Variants in KLHL41 observed in about 807,000 individuals in gnomAD.
KLHL41 encodes kelch like family member 41.
Under a neutral mutation model 49.2 loss-of-function variants are expected in KLHL41, and 31 were observed. The ratio of observed to expected loss-of-function variants is 0.63; its 90% confidence interval spans 0.47 to 0.85. The LOEUF is 0.85. KLHL41 is among the 40% of genes least tolerant of loss of function. The pLI, the probability that KLHL41 is intolerant of heterozygous loss-of-function variation, is 0.00. For missense variants in KLHL41, 663 were observed against 726.7 expected, an observed-to-expected ratio of 0.91 and a Z score of 1.01; for synonymous variants, 218 against 258.5, an observed-to-expected ratio of 0.84 and a Z score of 1.50.
At chr2:169,523,526 G>A (rs1403813395) in intron 5 of KLHL41, among the ~76,000 whole-genome samples, 1 of 152,216 alleles carries the variant, frequency 6.6e-6, no homozygotes, top group East Asian at 1.9e-4. Context: ...CTAATTTGGG[G>A]TAGGATCTGG....
chr2:169,520,254 C>A (rs1684180067), intron 4 of KLHL41, among the ~76,000 whole-genome samples: 3 of 136,774 alleles, frequency 2.2e-5, no homozygotes, highest in Admixed American at 1.5e-4. Flanking sequence ...ACTCCTTGGG[C>A]TCAAGCTATC....
chr2:169,510,918 C>T lies in KLHL41; in HGVS notation c.1110+30C>T, dbSNP rs1307982858. ...GAAGGACTTTTTGTATATGTAGTTG[C>T]TTAAAGGGAAGGCTGTTACTCACCA... On this transcript the variant is annotated intron_variant, in intron 1 of 5. Transcript: ENST00000284669. The surrounding 1 kb of genome is among the most constrained non-coding windows in gnomAD (Gnocchi z 4.2). 1 of 1,579,880 alleles carries T rather than the reference C, an allele frequency of 6.3e-7. No individual in the cohort carries two copies. Among genetic ancestry groups the T allele is most frequent in the Admixed American group, 1.7e-5 (1 of 57,710 alleles).
intron 5 of KLHL41, among the ~76,000 whole-genome samples, chr2:169,522,666 T>C (rs1376379587): frequency 2.0e-5 from 3 of 149,014 alleles, no homozygotes; most frequent in East Asian, 2.0e-4. Flanking sequence ...TTTCTGGAGG[T>C]AGAGTTGAGC....
intron 5 of KLHL41, among the ~76,000 whole-genome samples, chr2:169,523,771 G>C (rs1489912088): frequency 6.6e-6 from 1 of 152,208 alleles, no homozygotes; most frequent in Non-Finnish European, 1.5e-5. Context: ...CAGAAAGGCA[G>C]ATTCTCAGGT....
chr2:169,514,389 A>T (rs577008273), intron 1 of KLHL41, 185 bp from the exon 2 acceptor site: 8 of 473,250 alleles, frequency 1.7e-5, no homozygotes, highest in Non-Finnish European at 2.9e-5. Context: ...GGCCAAGTAG[A>T]TTTACTCATT....
At chr2:169,515,035 C>CTTTTT (rs373207430) in intron 3 of KLHL41, 74 bp downstream of exon 3, 9 of 641,602 alleles carry the variant, frequency 1.4e-5, no homozygotes, top group East Asian at 3.5e-5. Flanking sequence ...CTTTTCTTTT[C>CTTTTT]TTTTTTTTTT....
At position 169,510,840 on chromosome 2, in the gene KLHL41, T is replaced by G. The variant is rs1264595242; in HGVS notation, c.1062T>G (p.Tyr354Ter). ...QNQIYVVGGL[Y>*]VDEENKDQPL... is the part of the protein sequence containing the mutation. ...AGATATATGTGGTAGGAGGACTATA[T>G]GTGGATGAAGAAAATAAGGATCAAC... The change falls in exon 1 of 6, where the codon TAT (tyrosine) becomes TAG (stop). Residue 354 changes from tyrosine to a stop codon, truncating the protein, a stop_gained. Transcript: ENST00000284669. LOFTEE classifies it high-confidence loss of function. The surrounding 1 kb of genome is among the most constrained non-coding windows in gnomAD (Gnocchi z 4.2). The G allele has an allele frequency of 6.2e-7, 1 of 1,613,932 alleles. No individual in the cohort carries two copies. The highest frequency in any genetic ancestry group is 1.7e-5 in the Admixed American group (1 of 60,022).
At chr2:169,519,212 T>C (rs926550872) in intron 4 of KLHL41, among the ~76,000 whole-genome samples, 1 of 152,230 alleles carries the variant, frequency 6.6e-6, no homozygotes, top group African/African-American at 2.4e-5. Context: ...ATTCTTCATA[T>C]AAAATTGGTC....
chr2:169,520,918 G>A lies in KLHL41; in HGVS notation c.1620G>A (p.Leu540=), dbSNP rs1157611870. The change falls in exon 5 of 6, where the codon CTG becomes CTA. Residue 540 remains leucine (L), a synonymous_variant. Coordinates refer to ENST00000284669, the MANE Select transcript of KLHL41 (RefSeq NM_006063.3). ...QERSSISLVS[L]AGSLYAIGGF... ...GAAGCTCCATCAGTTTGGTCAGCCT[G>A]GCTGGATCTCTGTATGCAATTGGTG... 1.9e-6 allele frequency: 3 copies of A among 1,613,654 alleles called. No homozygotes were observed. The highest frequency in any genetic ancestry group is 3.3e-5 in the Admixed American group (2 of 60,000).
chr2:169,515,086 T>G (rs1684093398), intron 3 of KLHL41, 125 bp downstream of exon 3: 1 of 588,154 alleles, frequency 1.7e-6, no homozygotes, highest in Non-Finnish European at 2.9e-6. Flanking sequence ...CAGGCTGGAG[T>G]GCAGTGGTGT....
chr2:169,511,654 C>T (rs1684031019), intron 1 of KLHL41, among the ~76,000 whole-genome samples: 3 of 152,166 alleles, frequency 2.0e-5, no homozygotes, highest in African/African-American at 7.2e-5. Flanking sequence ...TATATATATT[C>T]CACACACTTT....
chr2:169,522,944 A>G (rs1343638740), intron 5 of KLHL41, among the ~76,000 whole-genome samples: 1 of 151,630 alleles, frequency 6.6e-6, no homozygotes, highest in Non-Finnish European at 1.5e-5. Context: ...GCTGGTCTTG[A>G]ACTCCTGACC....
chr2:169,515,037 T>TTTC, intron 3 of KLHL41, 76 bp downstream of exon 3: 1 of 593,060 alleles, frequency 1.7e-6, no homozygotes, highest in African/African-American at 2.0e-5. Flanking sequence ...TTTCTTTTCT[T>TTTC]TTTTTTTTTT....
intron 1 of KLHL41, among the ~76,000 whole-genome samples, chr2:169,513,860 A>G (rs1014869634): frequency 2.6e-5 from 4 of 152,200 alleles, no homozygotes; most frequent in Non-Finnish European, 4.4e-5. Context: ...CATGGGCACA[A>G]GGAGATTTTC....
Position 169,509,935 on chromosome 2 carries a change from G to A in KLHL41, c.157G>A (p.Ala53Thr). 1 of 1,614,178 alleles carries A rather than the reference G, an allele frequency of 6.2e-7. No homozygotes were observed. Among genetic ancestry groups the A allele is most frequent in the Non-Finnish European group, 8.5e-7 (1 of 1,180,036 alleles). The change falls in exon 1 of 6, where the codon GCT becomes ACT. Residue 53 changes from alanine to threonine, a missense_variant. This residue lies in a region of KLHL41 where 129 missense variants were observed against 122.1 expected (regional missense o/e 1.06). Transcript: ENST00000284669. ...SLPCHRLILSACSPYFREYFL... is the reference protein window; with the variant it reads ...SLPCHRLILSTCSPYFREYFL... Reference sequence around the variant, plus strand: ...TCCTTGCCACAGATTGATTTTGTCAGCTTGTAGTCCTTACTTCCGTGAGTA... The same window carrying A: ...TCCTTGCCACAGATTGATTTTGTCAACTTGTAGTCCTTACTTCCGTGAGTA...
At chr2:169,514,236 G>A (rs1255838504) in intron 1 of KLHL41, 4 of 196,504 alleles carry the variant, frequency 2.0e-5, no homozygotes, top group Admixed American at 5.7e-5. Flanking sequence ...CTAAAAGTAT[G>A]AGGATCTCCT....
At chr2:169,524,622 T>G (rs960010105) in intron 5 of KLHL41, among the ~76,000 whole-genome samples, 14 of 152,008 alleles carry the variant, frequency 9.2e-5, no homozygotes, top group African/African-American at 3.1e-4. Context: ...GGTCTCAAAC[T>G]CCTGATCTCA....
At chr2:169,517,205 A>G (rs1559131092) in intron 3 of KLHL41, among the ~76,000 whole-genome samples, 1 of 152,198 alleles carries the variant, frequency 6.6e-6, no homozygotes, top group Non-Finnish European at 1.5e-5. Flanking sequence ...TGTCCTCACA[A>G]AAAAGTTAAG....
At position 169,510,632 on chromosome 2, in the gene KLHL41, A is replaced by G; in HGVS notation, c.854A>G (p.Glu285Gly). Residue 285 changes from glutamate to glycine, a missense_variant, in exon 1 of 6, where the codon GAA becomes GGA. Around this residue, in one of 3 missense-constraint regions of KLHL41, gnomAD observed 528 missense variants for 581.0 expected, o/e 0.91. Coordinates refer to ENST00000284669, the MANE Select transcript of KLHL41 (RefSeq NM_006063.3). The surrounding 1 kb of genome is among the most constrained non-coding windows in gnomAD (Gnocchi z 4.2). Reference protein sequence around the residue: ...AGEVNGDVGDEDLLPGYLNDI... With the variant: ...AGEVNGDVGDGDLLPGYLNDI... ...GAGGTGAATGGTGATGTTGGTGATG[A>G]AGATTTACTTCCTGGTTACCTGAAT... 1 of 1,614,156 alleles carries G rather than the reference A, an allele frequency of 6.2e-7. No individual in the cohort carries two copies. Among genetic ancestry groups the G allele is most frequent in the Admixed American group, 1.7e-5 (1 of 60,028 alleles).
Sources: allele counts gnomAD v4.1 joint callset (sites outside exome capture counted in the v4.1 genomes callset), GRCh38; gene constraint gnomAD v4.1.1; regional missense constraint gnomAD v4.1.1; non-coding constraint Gnocchi (gnomAD v3.1); transcripts MANE v1.5; gene names NCBI Gene and HGNC (gene_info 2026-07-23, HGNC 2026-07-21).